Variants in RUNX1T1 observed in about 807,000 individuals in gnomAD.
The protein encoded by RUNX1T1 is RUNX1 partner transcriptional co-repressor 1.
RUNX1T1 carries 4 observed loss-of-function variants against 62.8 expected under a neutral mutation model. That is an observed-to-expected ratio of 0.06 (90% CI 0.03 to 0.15). The LOEUF is 0.15. Ranked by LOEUF, RUNX1T1 falls within the 10% of genes least tolerant of loss-of-function variation. The pLI, the probability that RUNX1T1 is intolerant of heterozygous loss-of-function variation, is 1.00. For missense variants in RUNX1T1, 508 were observed against 754.3 expected (o/e 0.67, Z 3.82); for synonymous variants, 291 against 286.0 (o/e 1.02, Z -0.18).
At chr8:92,092,868 GTTTT>G (rs1209177019) in intron 1 of RUNX1T1, among the ~76,000 whole-genome samples, 2 of 151,118 alleles carry the variant, frequency 1.3e-5, no homozygotes, top group Non-Finnish European at 3.0e-5. Context: ...TTATTTTTTT[GTTTT>G]TTTGTTTTTA....
intron 4 of RUNX1T1, among the ~76,000 whole-genome samples, chr8:92,007,617 A>C (rs965144514): frequency 2.6e-5 from 4 of 152,230 alleles, no homozygotes; most frequent in Non-Finnish European, 5.9e-5. Context: ...TATATGGTAT[A>C]GTCTACGGCT....
intron 1 of RUNX1T1, among the ~76,000 whole-genome samples, chr8:92,044,480 A>G (rs902694347): frequency 6.6e-6 from 1 of 152,220 alleles, no homozygotes; most frequent in Admixed American, 6.5e-5. Context: ...TGTCTCAATC[A>G]GTCTATCCAA....
At chr8:92,030,818 A>G (rs1826081244) in intron 1 of RUNX1T1, among the ~76,000 whole-genome samples, 1 of 152,146 alleles carries the variant, frequency 6.6e-6, no homozygotes, top group Non-Finnish European at 1.5e-5. Context: ...TCATCTCCTC[A>G]TCTTCTGAAC....
downstream of RUNX1T1, chr8:91,956,058 T>C (rs1043043112): frequency 1.3e-5 from 3 of 230,086 alleles, no homozygotes; most frequent in African/African-American, 6.6e-5. Flanking sequence ...CATTCGGGTA[T>C]GCACAAGGCA....
At chr8:91,987,550 T>A (rs1042983909) in intron 6 of RUNX1T1, among the ~76,000 whole-genome samples, 31 of 151,958 alleles carry the variant, frequency 2.0e-4, no homozygotes, top group African/African-American at 7.5e-4. Context: ...TTACCAAAAA[T>A]TAAAAAATAA....
chr8:92,021,376 A>G (rs1304708378), intron 1 of RUNX1T1, among the ~76,000 whole-genome samples: 1 of 152,198 alleles, frequency 6.6e-6, no homozygotes, highest in Non-Finnish European at 1.5e-5. Flanking sequence ...GAGACTATCC[A>G]TGGACCAGAA....
chr8:92,058,577 G>A (rs751846038), intron 1 of RUNX1T1, among the ~76,000 whole-genome samples: 3 of 152,116 alleles, frequency 2.0e-5, no homozygotes, highest in Non-Finnish European at 4.4e-5. Flanking sequence ...TTAAGAAAAT[G>A]TCCTCAAAAG....
intron 1 of RUNX1T1, among the ~76,000 whole-genome samples, chr8:92,083,793 T>C (rs1440009563): frequency 6.6e-6 from 1 of 152,200 alleles, no homozygotes; most frequent in Non-Finnish European, 1.5e-5. Flanking sequence ...TAAAGACACA[T>C]GCACACATAT....
At chr8:91,981,530 T>G (rs1815269596) in intron 8 of RUNX1T1, among the ~76,000 whole-genome samples, 1 of 144,170 alleles carries the variant, frequency 6.9e-6, no homozygotes, top group Non-Finnish European at 1.5e-5. Flanking sequence ...TACTCCGGCC[T>G]CAGCCTCCCG....
chr8:91,966,850 A>C (rs1403954669), intron 10 of RUNX1T1, among the ~76,000 whole-genome samples: 1 of 152,214 alleles, frequency 6.6e-6, no homozygotes, highest in Admixed American at 6.5e-5. Flanking sequence ...TATAAATCCA[A>C]GTAAAGTTTG....
intron 1 of RUNX1T1, among the ~76,000 whole-genome samples, chr8:92,036,972 A>C (rs1359702023): frequency 1.3e-5 from 2 of 152,198 alleles, no homozygotes; most frequent in African/African-American, 4.8e-5. Flanking sequence ...GATTTGTCCC[A>C]AATGTCTACT....
At chr8:91,967,321 C>T (rs917499100) in intron 10 of RUNX1T1, among the ~76,000 whole-genome samples, 1 of 152,112 alleles carries the variant, frequency 6.6e-6, no homozygotes, top group Non-Finnish European at 1.5e-5. Context: ...TAAGCAAGAG[C>T]AGTCTTTCTT....
chr8:92,088,656 A>G (rs997284330), intron 1 of RUNX1T1, among the ~76,000 whole-genome samples: 1 of 152,294 alleles, frequency 6.6e-6, no homozygotes, highest in South Asian at 2.1e-4. Flanking sequence ...TGGATTCTCC[A>G]AAAAGTCTAG....
chr8:92,002,181 A>G (rs1355768089), intron 5 of RUNX1T1, among the ~76,000 whole-genome samples: 2 of 152,196 alleles, frequency 1.3e-5, no homozygotes, highest in Non-Finnish European at 2.9e-5. Flanking sequence ...TAGGAAAGAA[A>G]TAACATAATT....
intron 1 of RUNX1T1, chr8:92,017,684 G>C (rs1823285555): frequency 1.6e-6 from 2 of 1,231,898 alleles, no homozygotes; most frequent in Non-Finnish European, 2.0e-6. Context: ...GTTAGCAAGA[G>C]GTAGAAAATA....
chr8:91,989,002 T>C (rs1355243780), intron 6 of RUNX1T1, among the ~76,000 whole-genome samples: 5 of 152,190 alleles, frequency 3.3e-5, no homozygotes, highest in Non-Finnish European at 5.9e-5. Flanking sequence ...ATAGTCATAA[T>C]ACCAGAGGGA....
chr8:91,964,513 A>G (rs958152367), intron 10 of RUNX1T1, among the ~76,000 whole-genome samples: 1 of 152,194 alleles, frequency 6.6e-6, no homozygotes, highest in Non-Finnish European at 1.5e-5. Context: ...ATCATCATCT[A>G]CTTGCATTGC....
At chr8:92,095,015 CCGGTATT>C in intron 1 of RUNX1T1, 1 of 1,531,548 alleles carries the variant, frequency 6.5e-7, no homozygotes, top group Non-Finnish European at 8.7e-7. Context: ...ATAAGGCCCT[CCGGTATT>C]CTCACCTCGG....
At chr8:92,062,880 C>T in exon 1 of RUNX1T1, 1 of 1,360,950 alleles carries the variant, frequency 7.3e-7, no homozygotes, top group East Asian at 2.9e-5. Flanking sequence ...CCTTAGCACT[C>T]CACCTCTCTC....
Sources: gnomAD v4.1 joint callset for allele counts (sites outside exome capture counted in the v4.1 genomes callset) on GRCh38, gnomAD v4.1.1 for gene constraint, MANE v1.5 for transcripts, NCBI Gene and HGNC (gene_info 2026-07-23, HGNC 2026-07-21) for gene names.